Variants in HIVEP3 observed in about 807,000 individuals in gnomAD.
HIVEP3 encodes the protein HIVEP zinc finger 3.
HIVEP3 carries 49 observed loss-of-function variants against 152.8 expected under a neutral mutation model. The ratio of observed to expected loss-of-function variants is 0.32; its 90% CI spans 0.26 to 0.41. The LOEUF is 0.41. HIVEP3 is among the 10% of genes least tolerant of loss of function. The pLI, the probability that HIVEP3 is intolerant of heterozygous loss-of-function variation, is 1.00. For synonymous variants in HIVEP3, 1,269 were observed against 1,289.0 expected, an observed-to-expected ratio of 0.98 and a Z score of 0.33; for missense variants, 2,790 against 3,103.3, an observed-to-expected ratio of 0.90 and a Z score of 2.40.
chr1:41,633,374 C>G (rs552917287), intron 2 of HIVEP3, among the ~76,000 whole-genome samples: 1 of 152,210 alleles, frequency 6.6e-6, no homozygotes, highest in Admixed American at 6.5e-5. Context: ...CTGCCAGGCA[C>G]CCCAGGACTT....
intron 2 of HIVEP3, among the ~76,000 whole-genome samples, chr1:41,665,394 T>C (rs1645779555): frequency 1.3e-5 from 2 of 152,268 alleles, no homozygotes; most frequent in South Asian, 4.2e-4. Flanking sequence ...GGGCCAGGTC[T>C]TGAGAAAGTC....
intron 1 of HIVEP3, among the ~76,000 whole-genome samples, chr1:41,915,369 AT>A (rs56681528): frequency 2.0e-5 from 3 of 151,666 alleles, no homozygotes; most frequent in Non-Finnish European, 2.9e-5. Context: ...TGCCTTTTAA[AT>A]TTTTTTTTAG....
rs79800863 is a variant in HIVEP3, at chr1:41,987,996, C to T, written n.119+47811G>A. 2.6e-3 allele frequency among the ~76,000 whole-genome samples: 398 copies of T among 152,304 alleles called. 2 individuals are homozygous for T. In the East Asian group the frequency reaches 0.035, roughly 14 times the overall value. On this transcript the variant is annotated intron_variant and non_coding_transcript_variant, in intron 1 of 3. Transcript: ENST00000489103. The stretch of plus-strand genomic sequence containing the variant: ...ATCCAATCACCTCCCTCACTCAACA[C>T]ATAGGAATTATAGGTCGAGATGAGA...
At chr1:41,748,214 G>A (rs1396708844) in intron 1 of HIVEP3, among the ~76,000 whole-genome samples, 3 of 152,092 alleles carry the variant, frequency 2.0e-5, no homozygotes, top group Admixed American at 6.5e-5. Flanking sequence ...CTACAACCCT[G>A]GAATACTGGC....
chr1:41,527,558 C>T (rs1643032405), intron 5 of HIVEP3, among the ~76,000 whole-genome samples: 1 of 142,904 alleles, frequency 7.0e-6, no homozygotes. Context: ...CCCACACCCT[C>T]ACACTCTTTC....
chr1:42,027,177 A>T (rs1362647234), intron 1 of HIVEP3, among the ~76,000 whole-genome samples: 2 of 151,748 alleles, frequency 1.3e-5, no homozygotes, highest in Non-Finnish European at 2.9e-5. Flanking sequence ...AATAATCTTG[A>T]CTCCTCTCTC....
intron 2 of HIVEP3, among the ~76,000 whole-genome samples, chr1:41,692,961 AG>A (rs1646218813): frequency 6.6e-6 from 1 of 152,236 alleles, no homozygotes; most frequent in African/African-American, 2.4e-5. Flanking sequence ...AGCACTTAGT[AG>A]GGGCCCAACC....
chr1:41,515,601 C>T (rs1034035162), intron 7 of HIVEP3, among the ~76,000 whole-genome samples: 1 of 152,190 alleles, frequency 6.6e-6, no homozygotes, highest in Admixed American at 6.5e-5. Flanking sequence ...GAGCTGGTGG[C>T]TGAGTCAGAA....
At chr1:41,862,820 T>C (rs1195391811) in intron 1 of HIVEP3, among the ~76,000 whole-genome samples, 1 of 152,222 alleles carries the variant, frequency 6.6e-6, no homozygotes, top group Admixed American at 6.5e-5. Context: ...AGGGATATCA[T>C]CACTGCCCAG....
chr1:41,660,805 G>C (rs1352794882), intron 2 of HIVEP3, among the ~76,000 whole-genome samples: 1 of 152,190 alleles, frequency 6.6e-6, no homozygotes, highest in Non-Finnish European at 1.5e-5. Flanking sequence ...ATTGTAATTG[G>C]CCAAAAGGGT....
intron 1 of HIVEP3, among the ~76,000 whole-genome samples, chr1:41,837,424 T>C (rs1480974320): frequency 6.6e-6 from 1 of 152,120 alleles, no homozygotes. Context: ...CCTCCTAGGT[T>C]CAAGCGATTC....
At chr1:41,706,616 C>T (rs1208902912) in intron 1 of HIVEP3, among the ~76,000 whole-genome samples, 1 of 152,180 alleles carries the variant, frequency 6.6e-6, no homozygotes, top group Non-Finnish European at 1.5e-5. Context: ...AGATAACTAG[C>T]TGAATATGCT....
At chr1:41,627,048 TG>T (rs1253290402) in intron 3 of HIVEP3, among the ~76,000 whole-genome samples, 1 of 152,174 alleles carries the variant, frequency 6.6e-6, no homozygotes, top group Non-Finnish European at 1.5e-5. Context: ...ACCAACCATG[TG>T]GGCAGCAGCA....
At chr1:41,915,136 C>CAA (rs34627841) in intron 1 of HIVEP3, among the ~76,000 whole-genome samples, 59 of 149,064 alleles carry the variant, frequency 4.0e-4, no homozygotes, top group African/African-American at 1.4e-3. Context: ...AAGAATCATG[C>CAA]AAAAAAAAAA....
At chr1:41,911,383 A>G (rs1454749166) in intron 1 of HIVEP3, among the ~76,000 whole-genome samples, 1 of 152,276 alleles carries the variant, frequency 6.6e-6, no homozygotes, top group Non-Finnish European at 1.5e-5. Context: ...GCAAGATTAG[A>G]GAGCAGTAGG....
chr1:41,979,245 C>G (rs532344868), intron 1 of HIVEP3, among the ~76,000 whole-genome samples: 2 of 152,164 alleles, frequency 1.3e-5, no homozygotes, highest in South Asian at 4.1e-4. Context: ...TCACCCTGAC[C>G]CACAACTTGG....
intron 2 of HIVEP3, 92 bp from the exon 3 acceptor site, chr1:41,629,039 C>A: frequency 1.0e-6 from 1 of 959,128 alleles, no homozygotes; most frequent in Non-Finnish European, 1.3e-6. Context: ...CTGGAGGACA[C>A]ACCCCCCAAC....
At chr1:41,796,851 C>T (rs756898255) in intron 1 of HIVEP3, among the ~76,000 whole-genome samples, 30 of 152,178 alleles carry the variant, frequency 2.0e-4, no homozygotes, top group Non-Finnish European at 8.8e-5. Context: ...GCACTGTGCT[C>T]GTGTGGATGA....
chr1:41,954,918 A>G (rs947895040), intron 1 of HIVEP3, among the ~76,000 whole-genome samples: 1 of 151,536 alleles, frequency 6.6e-6, no homozygotes, highest in Non-Finnish European at 1.5e-5. Flanking sequence ...TCGGTAAATG[A>G]TATCCATTGT....
Sources: allele counts gnomAD v4.1 joint callset (sites outside exome capture counted in the v4.1 genomes callset), GRCh38; gene constraint gnomAD v4.1.1; transcripts MANE v1.5; gene names NCBI Gene and HGNC (gene_info 2026-07-23, HGNC 2026-07-21).